Variants in HYDIN observed in about 807,000 individuals in gnomAD.
HYDIN encodes HYDIN axonemal central pair apparatus protein.
In HYDIN, 132 loss-of-function variants were observed where a neutral mutation model predicts 403.9. That is an observed-to-expected ratio of 0.33 (90% CI 0.28 to 0.38). The LOEUF is 0.38. Among genes scored for constraint, HYDIN ranks in the 10% least tolerant of loss-of-function variants. HYDIN has a pLI of 1.00. For missense variants in HYDIN, 2,827 were observed against 5,009.5 expected (o/e 0.56, Z 13.15); for synonymous variants, 1,202 against 1,891.7 (o/e 0.64, Z 9.46).
chr16:71,193,703 T>C (rs933231105), intron 1 of HYDIN, among the ~76,000 whole-genome samples: 1 of 152,210 alleles, frequency 6.6e-6, no homozygotes, highest in African/African-American at 2.4e-5. Context: ...ATTATTAAAT[T>C]AGTGAATGCT....
chr16:71,064,940 T>G lies in HYDIN; in HGVS notation c.2076-100A>C, dbSNP rs529879793. ...AGATACATTTGTCAGTGTCACATAG[T>G]AGTTTTTCTCTAATAACCACATTAG... On this transcript the variant is annotated intron_variant, in intron 15 of 85. Coordinates refer to ENST00000393567, the MANE Select transcript of HYDIN (RefSeq NM_001270974.2). 7.6e-5 allele frequency: 99 copies of G among 1,308,762 alleles called. No individual in the cohort carries two copies. The African/African-American group carries it at 1.4e-3, about 18-fold the overall frequency. 81.1% of individuals were successfully genotyped at this position (1,308,762 alleles called of 1,614,324 possible).
intron 23 of HYDIN, among the ~76,000 whole-genome samples, chr16:70,999,953 T>C (rs1160154513): frequency 6.6e-6 from 1 of 152,132 alleles, no homozygotes; most frequent in Non-Finnish European, 1.5e-5. Flanking sequence ...GTGTCCCCAC[T>C]GCTACATGAT....
chr16:70,924,056 T>C lies in HYDIN; in HGVS notation c.7159-2839A>G, dbSNP rs576123577. Among the ~76,000 whole-genome samples, 45 of 149,398 alleles carry C rather than the reference T, an allele frequency of 3.0e-4. 1 individual carries two copies. Among genetic ancestry groups the C allele is most frequent in the Middle Eastern group, 6.9e-3 (2 of 290 alleles). The stretch of plus-strand genomic sequence containing the variant: ...ATAATGGAAGAGGTTAAAAAGATAG[T>C]AAGACAAAACCATTAATTTCCTCAT... On this transcript the variant is annotated intron_variant, in intron 45 of 85. Transcript: ENST00000393567.
rs959981537 is a variant in HYDIN, at chr16:71,184,879, T to C, written c.247A>G (p.Thr83Ala). The change falls in exon 3 of 86, where the codon ACA (threonine) becomes GCA (alanine). Residue 83 changes from threonine (T) to alanine (A), a missense_variant. Thr to Ala is a moderately conservative substitution (Grantham distance 58). Coordinates refer to ENST00000393567, the MANE Select transcript of HYDIN (RefSeq NM_001270974.2). ...QIIELLDMGE[T>A]THQKFSGIDL... ...AGAGCAGCTACCTTCTGATGTGTTG[T>C]TTCCCCCATATCTAAGAGTTCGATG... 15 of 1,606,524 alleles carry C rather than the reference T, an allele frequency of 9.3e-6. No individual in the cohort carries two copies. The highest frequency in any genetic ancestry group is 1.3e-5 in the African/African-American group (1 of 74,728).
At chr16:70,931,208 CTGTTTTTT>C (rs1166078228) in intron 45 of HYDIN, among the ~76,000 whole-genome samples, 3 of 78,242 alleles carry the variant, frequency 3.8e-5, no homozygotes, top group Admixed American at 1.3e-4. Context: ...TCTCTTTCTT[CTGTTTTTT>C]TTTTTTTTTT....
intron 31 of HYDIN, 46 bp from the exon 32 acceptor site, chr16:70,974,716 G>C (rs1271505141): frequency 1.1e-5 from 8 of 752,062 alleles, no homozygotes; most frequent in South Asian, 1.9e-5. Flanking sequence ...AACCTGGAAG[G>C]CTACTTTTCC....
intron 23 of HYDIN, among the ~76,000 whole-genome samples, chr16:70,992,515 G>A (rs960796402): frequency 4.9e-5 from 7 of 143,766 alleles, no homozygotes; most frequent in African/African-American, 1.9e-4. Flanking sequence ...TGGACTCGCT[G>A]AGGACTGGTA....
At chr16:70,879,515 T>C in intron 61 of HYDIN, 29 bp from the exon 62 acceptor site, 1 of 1,610,876 alleles carries the variant, frequency 6.2e-7, no homozygotes, top group Non-Finnish European at 8.5e-7. Flanking sequence ...TTGTAGCCTG[T>C]CAGCCTGGCA....
intron 18 of HYDIN, among the ~76,000 whole-genome samples, chr16:71,056,657 C>A (rs2144254512): frequency 6.6e-6 from 1 of 152,362 alleles, no homozygotes; most frequent in South Asian, 2.1e-4. Context: ...CTGACATTCA[C>A]CCTATGGCCA....
intron 47 of HYDIN, among the ~76,000 whole-genome samples, chr16:70,918,010 C>T (rs937122701): frequency 1.3e-5 from 2 of 150,944 alleles, no homozygotes; most frequent in Non-Finnish European, 2.9e-5. Flanking sequence ...GGAGGTAGGA[C>T]AAGTCAGAGC....
chr16:71,133,184 C>G (rs1463561752), intron 8 of HYDIN: 2 of 437,200 alleles, frequency 4.6e-6, no homozygotes, highest in Middle Eastern at 3.4e-4. Flanking sequence ...GAGGTGCCAA[C>G]TGAATGCTGA....
At chr16:70,943,776 A>G in intron 42 of HYDIN, 36 bp downstream of exon 42, 1 of 1,600,090 alleles carries the variant, frequency 6.2e-7, no homozygotes, top group Admixed American at 1.7e-5. Context: ...CGTGAATGCC[A>G]AGCCCTGCAG....
At chr16:71,059,050 T>C (rs529174711) in intron 18 of HYDIN, among the ~76,000 whole-genome samples, 2 of 152,380 alleles carry the variant, frequency 1.3e-5, no homozygotes, top group Admixed American at 6.5e-5. Flanking sequence ...TCGACTGTTA[T>C]TGGAAAGGCT....
rs913361063 is a variant in HYDIN at position 71,139,992 on chromosome 16, C to A, written c.842-2640G>T. On this transcript the variant is annotated intron_variant, in intron 7 of 85. Transcript: ENST00000393567. ...GACAAAGAAAAAATCCTGAAAGCAG[C>A]CTGAGGAAAAAAACATTATTTTTAA... Among the ~76,000 whole-genome samples, 16 of 151,622 alleles carry A rather than the reference C, an allele frequency of 1.1e-4. 1 individual carries two copies. The highest frequency in any genetic ancestry group is 2.1e-4 in the South Asian group (1 of 4,798).
chr16:71,208,801 T>C (rs1413625641), intron 1 of HYDIN, among the ~76,000 whole-genome samples: 4 of 152,042 alleles, frequency 2.6e-5, no homozygotes, highest in South Asian at 4.1e-4. Flanking sequence ...CTAGAAGAAA[T>C]GGATAAATTT....
chr16:71,032,273 T>C (rs1361574359), intron 18 of HYDIN, among the ~76,000 whole-genome samples: 8 of 150,826 alleles, frequency 5.3e-5, no homozygotes, highest in Non-Finnish European at 1.0e-4. Context: ...AGTTTGAAAT[T>C]TTTATTTTTT....
chr16:70,805,860 TGAAAAATTCCA>T lies in HYDIN; in HGVS notation c.*1709_*1719del, dbSNP rs1332035624. On this transcript the variant is annotated 3_prime_UTR_variant, in exon 86 of 86. Transcript: ENST00000393567. ...TCAACTGTGGAATGAAAATATTTAATGAAAAATTCCAGAAATAAAAAATTCATACTTTTTAA... is the reference window on the plus strand; with the variant it reads ...TCAACTGTGGAATGAAAATATTTAATGAAATAAAAAATTCATACTTTTTAA... Among the ~76,000 whole-genome samples the T allele has an allele frequency of 6.6e-6, 1 of 152,228 alleles. No homozygotes were observed. The highest frequency in any genetic ancestry group is 1.5e-5 in the Non-Finnish European group (1 of 68,042).
intron 8 of HYDIN, among the ~76,000 whole-genome samples, chr16:71,134,611 T>C (rs1276480956): frequency 6.6e-6 from 1 of 152,068 alleles, no homozygotes; most frequent in Non-Finnish European, 1.5e-5. Context: ...GGACACGATC[T>C]GAGAATTTGT....
intron 13 of HYDIN, among the ~76,000 whole-genome samples, chr16:71,077,489 C>T (rs1350965325): frequency 2.0e-5 from 3 of 152,026 alleles, no homozygotes; most frequent in South Asian, 2.1e-4. Flanking sequence ...AGTTCTAATG[C>T]CTTGTCAGTT....
Sources: gnomAD v4.1 joint callset for allele counts (sites outside exome capture counted in the v4.1 genomes callset) on GRCh38, gnomAD v4.1.1 for gene constraint, MANE v1.5 for transcripts, NCBI Gene and HGNC (gene_info 2026-07-23, HGNC 2026-07-21) for gene names.